The following BICDL1 variants were observed in gnomAD, a reference collection of about 807,000 sequenced individuals.
BICDL1 encodes BICD family-like cargo adapter 1.
BICDL1 carries 20 observed loss-of-function variants against 76.8 expected under a neutral mutation model. The observed-to-expected ratio is 0.26, with a 90% CI of 0.18 to 0.38. BICDL1 has a LOEUF of 0.38. BICDL1 is among the 10% of genes least tolerant of loss of function. BICDL1 has a pLI of 1.00. For synonymous variants in BICDL1, 383 were observed against 337.1 expected (o/e 1.14, Z -1.49); for missense variants, 700 against 798.6 (o/e 0.88, Z 1.49).
At chr12:120,030,943 A>G (rs540197758) in intron 2 of BICDL1, among the ~76,000 whole-genome samples, 1 of 152,222 alleles carries the variant, frequency 6.6e-6, no homozygotes, top group South Asian at 2.1e-4. Context: ...CCAAATTTCA[A>G]ATTTCTCTTA....
At chr12:120,025,170 C>T (rs1246230461) in intron 2 of BICDL1, among the ~76,000 whole-genome samples, 1 of 151,878 alleles carries the variant, frequency 6.6e-6, no homozygotes. Flanking sequence ...CCCGCCTCAG[C>T]CTCCCGAGTA....
In BICDL1 at chr12:120,071,935, T is replaced by A. The variant is rs1180676106; in HGVS notation, c.1089+134T>A. 4 of 1,383,206 alleles carry A rather than the reference T, an allele frequency of 2.9e-6. No homozygotes were observed. The African/African-American group carries it at 5.9e-5, about 20-fold the overall frequency. The allele number at this position is 1,383,206 out of a possible 1,614,324, so 85.7% of individuals were successfully genotyped here. ...TGTGTCAGCCCCTTGGCCTGCTGGC[T>A]AGAGTGTCATGAAGCAGGCCCTGAT... On this transcript the variant is annotated intron_variant, in intron 5 of 9. Coordinates refer to ENST00000548673, the MANE Select transcript of BICDL1 (RefSeq NM_001367886.1). The surrounding 1 kb of genome is among the most constrained non-coding windows in gnomAD (Gnocchi z 4.8).
At chr12:120,085,426 GAGGAGGC>G (rs2139003903) in intron 8 of BICDL1, among the ~76,000 whole-genome samples, 1 of 152,302 alleles carries the variant, frequency 6.6e-6, no homozygotes, top group South Asian at 2.1e-4. Flanking sequence ...CAGTGTGATA[GAGGAGGC>G]AGCATACCTT....
At chr12:120,091,770 A>G in intron 9 of BICDL1, 5 of 985,324 alleles carry the variant, frequency 5.1e-6, no homozygotes, top group Non-Finnish European at 6.0e-6. Flanking sequence ...CTGCAGAGAT[A>G]TTAGAATGAC....
At chr12:120,036,768 C>T (rs758624753) in intron 2 of BICDL1, among the ~76,000 whole-genome samples, 31 of 152,056 alleles carry the variant, frequency 2.0e-4, no homozygotes, top group Non-Finnish European at 3.8e-4. Context: ...CCCAGCTACT[C>T]GGGAGGCTGA....
At chr12:120,072,993 CCT>C (rs1173728566) in intron 6 of BICDL1, among the ~76,000 whole-genome samples, 1 of 152,170 alleles carries the variant, frequency 6.6e-6, no homozygotes, top group Non-Finnish European at 1.5e-5. Flanking sequence ...GCCTCAGCTC[CCT>C]GAGTAGCTGG....
At chr12:120,023,803 GAAAA>G (rs1177402957) in intron 2 of BICDL1, among the ~76,000 whole-genome samples, 2 of 143,904 alleles carry the variant, frequency 1.4e-5, no homozygotes, top group African/African-American at 5.1e-5. Context: ...AAAAAAAAAG[GAAAA>G]AAAAAAGATT....
Position 119,990,158 on chromosome 12 carries a change from C to T in BICDL1, c.290C>T (p.Pro97Leu), listed in dbSNP as rs1015843569. The T allele has an allele frequency of 2.6e-6, 4 of 1,551,710 alleles. No homozygotes were observed. The highest frequency in any genetic ancestry group is 1.7e-4 in the Middle Eastern group (1 of 5,930). ...CCGCAGCCGCCGCCCTCCCAGGACC[C>T]CGAGCTGCTGTCGGTGATCCGACAG... ...AGPQPPPSQD[P>L]ELLSVIRQKE... is the part of the protein sequence containing the mutation. Residue 97 changes from proline to leucine, a missense_variant, in exon 1 of 10, where the codon CCC (proline) becomes CTC (leucine). Physicochemically the swap from Pro to Leu is moderately conservative, Grantham distance 98. Transcript: ENST00000548673.
At chr12:120,083,629 GTATTTATT>G (rs10566467) in intron 8 of BICDL1, among the ~76,000 whole-genome samples, 16,896 of 145,082 alleles carry the variant, frequency 0.12, 1,240 homozygotes, top group East Asian at 0.37. Flanking sequence ...ATTAATAGTA[GTATTTATT>G]TATTTATTTA....
rs545060665 is a variant in BICDL1 at position 120,060,082 on chromosome 12, C to T, written c.646-1628C>T. The stretch of plus-strand genomic sequence containing the variant: ...GGCAAGTTCCTTCAGTTTCCTGAGC[C>T]GATTTCCTTGTTAATTGGGGGTAAC... On this transcript the variant is annotated intron_variant, in intron 2 of 9. Transcript: ENST00000548673. Among the ~76,000 whole-genome samples the T allele has an allele frequency of 3.9e-5, 6 of 152,244 alleles. No homozygotes were observed. In the South Asian group the frequency reaches 6.2e-4, roughly 16 times the overall value.
At chr12:119,992,828 C>T (rs1175774593) in intron 1 of BICDL1, 1 of 152,210 alleles carries the variant, frequency 6.6e-6, no homozygotes, top group Admixed American at 6.5e-5. Flanking sequence ...CATTTTCTTA[C>T]AGGGTGGTTT....
intron 2 of BICDL1, among the ~76,000 whole-genome samples, chr12:120,009,219 T>A (rs182932540): frequency 2.6e-5 from 4 of 152,090 alleles, no homozygotes; most frequent in Admixed American, 2.6e-4. Flanking sequence ...ATCTTCTGAC[T>A]TCATGATCCG....
At chr12:120,039,551 T>C (rs891899864) in intron 2 of BICDL1, among the ~76,000 whole-genome samples, 1 of 146,370 alleles carries the variant, frequency 6.8e-6, no homozygotes, top group Admixed American at 6.9e-5. Context: ...GGCAGGGGAA[T>C]TGCTTGAACC....
intron 1 of BICDL1, among the ~76,000 whole-genome samples, chr12:119,995,597 T>C (rs1172894683): frequency 6.6e-6 from 1 of 152,218 alleles, no homozygotes; most frequent in Non-Finnish European, 1.5e-5. Context: ...ATCTTTTTCA[T>C]TTTGAAAAAA....
intron 9 of BICDL1, chr12:120,090,982 A>T: frequency 3.1e-6 from 4 of 1,288,774 alleles, no homozygotes; most frequent in Non-Finnish European, 3.0e-6. Context: ...CAGTTCCCGT[A>T]TCAACAGCTT....
chr12:120,032,121 C>T (rs1048015512), intron 2 of BICDL1, among the ~76,000 whole-genome samples: 6 of 152,030 alleles, frequency 3.9e-5, no homozygotes, highest in Non-Finnish European at 8.8e-5. Flanking sequence ...CTGTATCTTC[C>T]CTTCACCCCA....
chr12:120,064,951 C>G, intron 4 of BICDL1, 72 bp downstream of exon 4: 2 of 1,503,996 alleles, frequency 1.3e-6, no homozygotes, highest in Non-Finnish European at 1.8e-6. Context: ...AAAGAAAAGG[C>G]TGGGAGGCCA....
At chr12:120,032,580 CT>C (rs1312058781) in intron 2 of BICDL1, among the ~76,000 whole-genome samples, 1 of 152,036 alleles carries the variant, frequency 6.6e-6, no homozygotes, top group East Asian at 1.9e-4. Context: ...TATTTTTAAC[CT>C]TTTATTACAA....
chr12:120,044,048 T>C (rs1437925365), intron 2 of BICDL1, among the ~76,000 whole-genome samples: 1 of 152,156 alleles, frequency 6.6e-6, no homozygotes, highest in Non-Finnish European at 1.5e-5. Context: ...GGTTAAGAAT[T>C]TATCAGGTGA....
Sources: gnomAD v4.1 joint callset for allele counts (sites outside exome capture counted in the v4.1 genomes callset) on GRCh38, gnomAD v4.1.1 for gene constraint, Gnocchi (gnomAD v3.1) non-coding constraint, MANE v1.5 for transcripts, NCBI Gene and HGNC (gene_info 2026-07-23, HGNC 2026-07-21) for gene names.